The following RXFP1 variants were observed in gnomAD, a reference collection of about 807,000 sequenced individuals.
RXFP1 encodes relaxin receptor 1.
Under a neutral mutation model 89.8 loss-of-function variants are expected in RXFP1, and 73 were observed. The ratio of observed to expected loss-of-function variants is 0.81; its 90% CI spans 0.67 to 0.99. RXFP1 has a LOEUF of 0.99. RXFP1 is among the 50% of genes least tolerant of loss of function. The probability of loss-of-function intolerance (pLI) is 0.00; values close to 1 mark genes in which losing one functional copy is unlikely to be tolerated. For synonymous variants in RXFP1, 277 were observed against 305.5 expected (o/e 0.91, Z 0.97); for missense variants, 793 against 895.5 (o/e 0.89, Z 1.46).
chr4:158,652,162 G>A lies in RXFP1; in HGVS notation c.*107G>A. 1.1e-6 allele frequency: 1 copy of A among 895,086 alleles called. No homozygotes were observed. Among genetic ancestry groups the A allele is most frequent in the Non-Finnish European group, 1.6e-6 (1 of 624,036 alleles). The allele number at this position is 895,086 out of a possible 1,614,324, so 55.4% of individuals were successfully genotyped here. The stretch of plus-strand genomic sequence containing the variant: ...AAAATTAATTTATAATAATAGCTAA[G>A]ATAAATATTTTACAAGGACATGAGG... On this transcript the variant is annotated 3_prime_UTR_variant, in exon 18 of 18. Transcript: ENST00000307765.
chr4:158,646,387 G>A (rs1315325003), intron 15 of RXFP1: 22 of 787,862 alleles, frequency 2.8e-5, no homozygotes, highest in East Asian at 1.3e-4. Context: ...AGCTTGTTGC[G>A]TTGGGAGAAT....
At chr4:158,603,979 A>C (rs1033419193) in intron 4 of RXFP1, among the ~76,000 whole-genome samples, 7 of 150,786 alleles carry the variant, frequency 4.6e-5, no homozygotes, top group African/African-American at 1.7e-4. Flanking sequence ...ACATTTAAAA[A>C]GTAAGATTTT....
chr4:158,633,261 T>C, intron 11 of RXFP1, 144 bp from the exon 12 acceptor site: 1 of 567,786 alleles, frequency 1.8e-6, no homozygotes, highest in Non-Finnish European at 3.2e-6. Context: ...CTTTGCTCCT[T>C]TTTTAAATTT....
At chr4:158,536,818 C>G in intron 1 of RXFP1, among the ~76,000 whole-genome samples, 1 of 152,068 alleles carries the variant, frequency 6.6e-6, no homozygotes, top group East Asian at 1.9e-4. Flanking sequence ...AAATTAGATG[C>G]ATATTTGGAA....
chr4:158,525,596 T>C (rs769267626), intron 1 of RXFP1, among the ~76,000 whole-genome samples: 5 of 152,244 alleles, frequency 3.3e-5, no homozygotes, highest in Non-Finnish European at 7.3e-5. Flanking sequence ...TAGGTTTAAC[T>C]TTCTGTCTGA....
rs995861226 is a variant in RXFP1, at chr4:158,652,301, A to G, written c.*246A>G. 1.8e-5 allele frequency: 7 copies of G among 399,724 alleles called. No homozygotes were observed. In the South Asian group the frequency reaches 2.4e-4, roughly 14 times the overall value. 24.8% of individuals were successfully genotyped at this position (399,724 alleles called of 1,614,324 possible). On this transcript the variant is annotated 3_prime_UTR_variant, in exon 18 of 18. Coordinates refer to ENST00000307765, the MANE Select transcript of RXFP1 (RefSeq NM_021634.4). The stretch of plus-strand genomic sequence containing the variant: ...AGAGAAATCTACTTCAGTAACATTC[A>G]TTCATTTTTCTAACATGCATTTATT...
intron 1 of RXFP1, among the ~76,000 whole-genome samples, chr4:158,528,905 C>T (rs538008668): frequency 2.6e-5 from 4 of 152,306 alleles, no homozygotes; most frequent in East Asian, 1.9e-4. Context: ...TTCTTTCCCA[C>T]CAAAAAAGAA....
chr4:158,544,608 C>T (rs1280399505), intron 1 of RXFP1, among the ~76,000 whole-genome samples: 1 of 151,928 alleles, frequency 6.6e-6, no homozygotes, highest in Non-Finnish European at 1.5e-5. Flanking sequence ...TACCCCTACC[C>T]CCCAACAGTC....
At chr4:158,647,589 G>T (rs1050354728) in intron 16 of RXFP1, among the ~76,000 whole-genome samples, 4 of 152,136 alleles carry the variant, frequency 2.6e-5, no homozygotes, top group Non-Finnish European at 4.4e-5. Context: ...AAATCACTAG[G>T]CCAGGCACAA....
chr4:158,523,360 G>T (rs899454634), intron 1 of RXFP1, among the ~76,000 whole-genome samples: 1 of 152,092 alleles, frequency 6.6e-6, no homozygotes, highest in Non-Finnish European at 1.5e-5. Flanking sequence ...AGAATTTAAG[G>T]GTATATAAAA....
intron 11 of RXFP1, among the ~76,000 whole-genome samples, chr4:158,630,329 G>A (rs1054280440): frequency 3.3e-5 from 5 of 152,226 alleles, no homozygotes; most frequent in African/African-American, 9.6e-5. Flanking sequence ...CCTGGCACGT[G>A]ATAATTGAAC....
chr4:158,550,152 CA>C (rs1018541820), intron 1 of RXFP1, among the ~76,000 whole-genome samples: 7 of 152,208 alleles, frequency 4.6e-5, no homozygotes, highest in African/African-American at 1.7e-4. Context: ...TGGGCAATGG[CA>C]GGAGGCCCTC....
At chr4:158,647,921 CAGG>C (rs1488448329) in intron 16 of RXFP1, among the ~76,000 whole-genome samples, 2 of 151,546 alleles carry the variant, frequency 1.3e-5, no homozygotes, top group Admixed American at 1.3e-4. Flanking sequence ...GAGGCTGAGG[CAGG>C]AGAATTGCTT....
At chr4:158,581,592 A>G (rs1229550029) in intron 2 of RXFP1, among the ~76,000 whole-genome samples, 1 of 152,234 alleles carries the variant, frequency 6.6e-6, no homozygotes, top group Non-Finnish European at 1.5e-5. Flanking sequence ...TGCAAGTATA[A>G]TAGTATGAAT....
At chr4:158,530,361 T>C (rs1311802188) in intron 1 of RXFP1, among the ~76,000 whole-genome samples, 1 of 152,228 alleles carries the variant, frequency 6.6e-6, no homozygotes, top group East Asian at 1.9e-4. Flanking sequence ...TACCATTACC[T>C]TCACTCATAA....
intron 1 of RXFP1, among the ~76,000 whole-genome samples, chr4:158,560,727 G>A (rs144264642): frequency 7.9e-4 from 121 of 152,222 alleles, no homozygotes; most frequent in African/African-American, 2.8e-3. Flanking sequence ...AGTTTCACAC[G>A]ATCATCCCAT....
chr4:158,603,508 CT>C (rs757823268), intron 4 of RXFP1, among the ~76,000 whole-genome samples: 1 of 151,830 alleles, frequency 6.6e-6, no homozygotes, highest in African/African-American at 2.4e-5. Context: ...TGATTTTTAA[CT>C]TTTTTTCTTT....
Position 158,651,883 on chromosome 4 carries a change from A to G in RXFP1, c.2102A>G (p.Gln701Arg). Residue 701 changes from glutamine to arginine, a missense_variant, in exon 18 of 18, where the codon CAA (glutamine) becomes CGA (arginine). Coordinates refer to ENST00000307765, the MANE Select transcript of RXFP1 (RefSeq NM_021634.4). The stretch of plus-strand genomic sequence containing the variant: ...CATCGGTTTTGGTATAACTACAGAC[A>G]AAGAAAATCTATGGACAGCAAAGGT... ...MIHRFWYNYR[Q>R]RKSMDSKGQK... 6.2e-7 allele frequency: 1 copy of G among 1,614,192 alleles called. No individual in the cohort carries two copies. Among genetic ancestry groups the G allele is most frequent in the South Asian group, 1.1e-5 (1 of 91,084 alleles).
At chr4:158,645,348 T>A (rs950948266) in intron 15 of RXFP1, among the ~76,000 whole-genome samples, 1 of 152,238 alleles carries the variant, frequency 6.6e-6, no homozygotes, top group Non-Finnish European at 1.5e-5. Context: ...TTAATCACCT[T>A]ATGCAAATTA....
Sources: allele counts gnomAD v4.1 joint callset (sites outside exome capture counted in the v4.1 genomes callset), GRCh38; gene constraint gnomAD v4.1.1; transcripts MANE v1.5; gene names NCBI Gene and HGNC (gene_info 2026-07-23, HGNC 2026-07-21).